MMS22L: variants seen among roughly 807,000 people sequenced by gnomAD.
MMS22L encodes protein MMS22-like.
In MMS22L, 74 loss-of-function variants were observed where a neutral mutation model predicts 159.1. The observed-to-expected ratio is 0.47, with a 90% CI of 0.39 to 0.56. MMS22L has a LOEUF of 0.56. Among genes scored for constraint, MMS22L ranks in the 20% least tolerant of loss-of-function variants. The pLI, the probability that MMS22L is intolerant of heterozygous loss-of-function variation, is 0.00. For missense variants in MMS22L, 1,351 were observed against 1,422.1 expected, an observed-to-expected ratio of 0.95 and a Z score of 0.80; for synonymous variants, 517 against 506.9, an observed-to-expected ratio of 1.02 and a Z score of -0.27.
At chr6:97,152,431 T>A (rs1180218632) in intron 22 of MMS22L, among the ~76,000 whole-genome samples, 2 of 152,116 alleles carry the variant, frequency 1.3e-5, no homozygotes, top group Non-Finnish European at 2.9e-5. Flanking sequence ...TTTAACTAAA[T>A]CCTTTAAAAT....
intron 4 of MMS22L, among the ~76,000 whole-genome samples, chr6:97,276,089 G>A (rs1816217949): frequency 6.6e-6 from 1 of 152,132 alleles, no homozygotes; most frequent in Non-Finnish European, 1.5e-5. Flanking sequence ...GCCTCAACTG[G>A]AAATTAACCC....
At chr6:97,270,209 C>T (rs926153722) in intron 6 of MMS22L, 11 of 618,300 alleles carry the variant, frequency 1.8e-5, no homozygotes, top group Non-Finnish European at 3.2e-5. Flanking sequence ...TGGTTTAAGA[C>T]AAACCCACCT....
chr6:97,193,076 G>T (rs551395553), intron 14 of MMS22L, among the ~76,000 whole-genome samples: 1 of 152,110 alleles, frequency 6.6e-6, no homozygotes, highest in African/African-American at 2.4e-5. Context: ...TCATATGTAA[G>T]TTCTTAATAA....
chr6:97,197,276 T>C (rs994884565), intron 14 of MMS22L, among the ~76,000 whole-genome samples: 6 of 152,164 alleles, frequency 3.9e-5, no homozygotes, highest in Non-Finnish European at 7.4e-5. Flanking sequence ...CTTGCACTGC[T>C]TGTATTCAGT....
intron 22 of MMS22L, among the ~76,000 whole-genome samples, chr6:97,152,233 G>C (rs569129522): frequency 1.3e-5 from 2 of 151,930 alleles, no homozygotes; most frequent in South Asian, 4.1e-4. Context: ...CAGGCAGATT[G>C]ATTTTTTAAA....
At chr6:97,218,989 T>A (rs1269067696) in intron 14 of MMS22L, among the ~76,000 whole-genome samples, 1 of 152,112 alleles carries the variant, frequency 6.6e-6, no homozygotes, top group East Asian at 1.9e-4. Flanking sequence ...GCAGGGAAAA[T>A]GCCAGATGCT....
intron 7 of MMS22L, among the ~76,000 whole-genome samples, chr6:97,268,426 G>T (rs1431231084): frequency 6.6e-6 from 1 of 152,010 alleles, no homozygotes; most frequent in Non-Finnish European, 1.5e-5. Flanking sequence ...CTGACCTTGT[G>T]ATCTGCCCAC....
intron 14 of MMS22L, among the ~76,000 whole-genome samples, chr6:97,195,936 A>G (rs1220986919): frequency 1.3e-5 from 2 of 152,208 alleles, no homozygotes; most frequent in African/African-American, 4.8e-5. Context: ...GCAGCCTGTC[A>G]TTGCCAAATT....
intron 14 of MMS22L, among the ~76,000 whole-genome samples, chr6:97,193,290 TG>T (rs1177752971): frequency 3.9e-5 from 6 of 152,186 alleles, no homozygotes; most frequent in African/African-American, 1.4e-4. Flanking sequence ...AATCCAGTGA[TG>T]AACCTAGCAA....
intron 23 of MMS22L, 78 bp from the exon 24 acceptor site, chr6:97,150,098 G>T: frequency 9.3e-7 from 1 of 1,080,892 alleles, no homozygotes; most frequent in Non-Finnish European, 1.4e-6. Context: ...AATCAACTAT[G>T]AACTGAACAT....
intron 11 of MMS22L, among the ~76,000 whole-genome samples, chr6:97,240,758 A>G (rs1216260259): frequency 3.3e-5 from 5 of 152,106 alleles, no homozygotes; most frequent in African/African-American, 1.2e-4. Flanking sequence ...TCCTGAGAAG[A>G]TGAGATTACA....
chr6:97,260,631 T>C (rs1814362845), intron 9 of MMS22L: 1 of 152,218 alleles, frequency 6.6e-6, no homozygotes, highest in South Asian at 2.1e-4. Flanking sequence ...ATCTACAGTG[T>C]TGTCAGTTTC....
chr6:97,238,589 G>GTGTGTT (rs1185653967), intron 11 of MMS22L, among the ~76,000 whole-genome samples: 12 of 95,094 alleles, frequency 1.3e-4, no homozygotes, highest in African/African-American at 3.6e-4. Flanking sequence ...GTGTGTGTGT[G>GTGTGTT]TGTGTGTGTG....
At chr6:97,151,259 T>G (rs750413699) in intron 23 of MMS22L, among the ~76,000 whole-genome samples, 4 of 152,236 alleles carry the variant, frequency 2.6e-5, no homozygotes, top group Non-Finnish European at 5.9e-5. Context: ...GCATTTTTAC[T>G]GTACCTTTTC....
chr6:97,175,969 C>CT (rs1237922427), intron 18 of MMS22L, among the ~76,000 whole-genome samples: 4 of 152,182 alleles, frequency 2.6e-5, no homozygotes, highest in Admixed American at 6.6e-5. Flanking sequence ...CACACAAGTG[C>CT]TTTTCATTTA....
chr6:97,249,465 T>C (rs2128046664), intron 10 of MMS22L, among the ~76,000 whole-genome samples: 1 of 152,248 alleles, frequency 6.6e-6, no homozygotes, highest in African/African-American at 2.4e-5. Flanking sequence ...GTAAAGACAG[T>C]TTTAGGGACT....
chr6:97,238,514 G>A (rs1043963000), intron 11 of MMS22L, among the ~76,000 whole-genome samples: 10 of 151,676 alleles, frequency 6.6e-5, no homozygotes, highest in African/African-American at 2.4e-4. Context: ...GGCTCAAGGA[G>A]TACTACGCAT....
chr6:97,220,481 C>T (rs2127976329), intron 14 of MMS22L, among the ~76,000 whole-genome samples: 1 of 151,954 alleles, frequency 6.6e-6, no homozygotes, highest in East Asian at 1.9e-4. Context: ...ATAAAGCTAG[C>T]AAACTCTATG....
In MMS22L at chr6:97,145,328, T is replaced by G. The variant is rs1002523230; in HGVS notation, c.*1478A>C. On this transcript the variant is annotated 3_prime_UTR_variant, in exon 25 of 25. Transcript: ENST00000683635. The stretch of plus-strand genomic sequence containing the variant: ...TCCTTTGGATTTCACAGATTATAAT[T>G]AAGAGAACGCTATTAACTACAGAAT... The G allele has an allele frequency of 3.3e-5, 5 of 152,150 alleles. No homozygotes were observed. The highest frequency in any genetic ancestry group is 2.0e-4 in the Admixed American group (3 of 15,270). 9.4% of individuals were successfully genotyped at this position (152,150 alleles called of 1,614,324 possible).
Sources: gnomAD v4.1 joint callset for allele counts (sites outside exome capture counted in the v4.1 genomes callset) on GRCh38, gnomAD v4.1.1 for gene constraint, MANE v1.5 for transcripts, NCBI Gene and HGNC (gene_info 2026-07-23, HGNC 2026-07-21) for gene names.